The following MLC1 variants were observed in gnomAD, a reference collection of about 807,000 sequenced individuals.
MLC1 encodes the protein membrane protein MLC1.
MLC1 carries 32 observed loss-of-function variants against 44.7 expected under a neutral mutation model. The observed-to-expected ratio is 0.72, with a 90% CI of 0.54 to 0.96. MLC1 has a LOEUF of 0.96. Ranked by LOEUF, MLC1 falls within the 40% of genes least tolerant of loss-of-function variation. The pLI, the probability that MLC1 is intolerant of heterozygous loss-of-function variation, is 0.00. For synonymous variants in MLC1, 190 were observed against 213.0 expected (o/e 0.89, Z 0.94); for missense variants, 459 against 492.2 (o/e 0.93, Z 0.64).
At chr22:50,070,450 G>C (rs1346299652) in intron 9 of MLC1, 77 bp downstream of exon 9, 1 of 1,344,406 alleles carries the variant, frequency 7.4e-7, no homozygotes, top group Non-Finnish European at 1.0e-6. Context: ...TGGTCACATG[G>C]CACCAAGGGA....
At chr22:50,067,573 G>GTCAGGCAGTGACTCCTTCCCCCA (rs2061736194) in intron 10 of MLC1, among the ~76,000 whole-genome samples, 1 of 15,074 alleles carries the variant, frequency 6.6e-5, no homozygotes, top group Non-Finnish European at 1.3e-4. Flanking sequence ...CCATCCCCCC[G>GTCAGGCAGTGACTCCTTCCCCCA]TCAGGCAGTG....
chr22:50,070,708 G>A lies in MLC1; in HGVS notation c.715-125C>T, dbSNP rs374208359. Reference sequence around the variant, plus strand: ...CTGGCTGGCTTGCTGTGGGGGGCAGGGGGGATGGTGCAGTGCCCAAAGGCG... The same window carrying A: ...CTGGCTGGCTTGCTGTGGGGGGCAGAGGGGATGGTGCAGTGCCCAAAGGCG... On this transcript the variant is annotated intron_variant, in intron 8 of 11. Coordinates refer to ENST00000311597, the MANE Select transcript of MLC1 (RefSeq NM_015166.4). 4.4e-5 allele frequency: 46 copies of A among 1,050,466 alleles called. No homozygotes were observed. In the East Asian group the frequency reaches 5.7e-4, roughly 13 times the overall value. The allele number at this position is 1,050,466 out of a possible 1,614,324, so 65.1% of individuals were successfully genotyped here.
intron 4 of MLC1, 90 bp downstream of exon 4, chr22:50,080,254 G>A (rs571405498): frequency 4.5e-5 from 66 of 1,460,222 alleles, no homozygotes; most frequent in South Asian, 9.7e-5. Flanking sequence ...ACGTCTGTGC[G>A]TGGGCACACA....
intron 5 of MLC1, among the ~76,000 whole-genome samples, chr22:50,079,427 A>G (rs1738434255): frequency 7.1e-6 from 1 of 141,772 alleles, no homozygotes; most frequent in Admixed American, 7.4e-5. Flanking sequence ...AGTGCATTCC[A>G]CATGTCACAC....
intron 5 of MLC1, 129 bp from the exon 6 acceptor site, chr22:50,077,631 C>T: frequency 1.3e-6 from 1 of 753,032 alleles, no homozygotes; most frequent in Non-Finnish European, 2.3e-6. Context: ...TTTTCCCATC[C>T]AGGGCCAGCT....
At chr22:50,066,008 C>T (rs1299829882) in intron 10 of MLC1, among the ~76,000 whole-genome samples, 1 of 152,106 alleles carries the variant, frequency 6.6e-6, no homozygotes, top group African/African-American at 2.4e-5. Context: ...CCTTGGGTAT[C>T]GAGAAAACAC....
At chr22:50,068,725 C>CTTTTTTTTTTTTTTT (rs765426637) in intron 9 of MLC1, among the ~76,000 whole-genome samples, 170 bp from the exon 10 acceptor site, 37 of 105,242 alleles carry the variant, frequency 3.5e-4, no homozygotes, top group African/African-American at 7.7e-4. Flanking sequence ...TTTTCTTTTT[C>CTTTTTTTTTTTTTTT]TTTTTTTTTT....
chr22:50,066,956 A>C (rs933421833), intron 10 of MLC1, among the ~76,000 whole-genome samples: 1 of 152,208 alleles, frequency 6.6e-6, no homozygotes, highest in African/African-American at 2.4e-5. Flanking sequence ...CCACACAGAA[A>C]GGGGCCGACT....
At chr22:50,071,377 C>G (rs187965558) in intron 8 of MLC1, among the ~76,000 whole-genome samples, 5 of 152,340 alleles carry the variant, frequency 3.3e-5, no homozygotes, top group Admixed American at 1.3e-4. Flanking sequence ...CAGGCATGAG[C>G]CACCGCACCT....
chr22:50,081,818 G>A (rs1249227598), intron 3 of MLC1, among the ~76,000 whole-genome samples: 1 of 152,230 alleles, frequency 6.6e-6, no homozygotes, highest in Non-Finnish European at 1.5e-5. Flanking sequence ...AGGCTGGGCG[G>A]GGGTGGGCAC....
intron 4 of MLC1, 51 bp downstream of exon 4, chr22:50,080,293 C>G: frequency 6.4e-7 from 1 of 1,551,692 alleles, no homozygotes; most frequent in South Asian, 1.2e-5. Flanking sequence ...CACTGTCTGT[C>G]AGCCCCTCCG....
At position 50,083,865 on chromosome 22, in the gene MLC1, G is replaced by A. The variant is rs1302959349; in HGVS notation, c.178-692C>T. On this transcript the variant is annotated intron_variant, in intron 2 of 11. Coordinates refer to ENST00000311597, the MANE Select transcript of MLC1 (RefSeq NM_015166.4). The surrounding 1 kb of genome is among the most constrained non-coding windows in gnomAD (Gnocchi z 4.6). ...CTGGCCTGGGCGGGGGAGGGGCTGC[G>A]ACCAAGTCCAGGGCACCAGGTGGAG... Among the ~76,000 whole-genome samples, 4 of 152,078 alleles carry A rather than the reference G, an allele frequency of 2.6e-5. No homozygotes were observed. The highest frequency in any genetic ancestry group is 2.9e-5 in the Non-Finnish European group (2 of 67,986).
chr22:50,080,020 C>A lies in MLC1; in HGVS notation c.322-1G>T. The stretch of plus-strand genomic sequence containing the variant: ...CAAACAATATCTGAAAGTTGGGAAT[C>A]TGAAAAACAAGGCAGGAGGGGTTTT... On this transcript the variant is annotated splice_acceptor_variant, in intron 4 of 11. Transcript: ENST00000311597. LOFTEE classifies it high-confidence loss of function. The A allele has an allele frequency of 3.7e-6, 6 of 1,610,230 alleles. No individual in the cohort carries two copies. Among genetic ancestry groups the A allele is most frequent in the Non-Finnish European group, 5.1e-6 (6 of 1,176,424 alleles).
rs769104444 is a variant in MLC1, at chr22:50,070,484, G to A, written c.771+43C>T. 138 of 1,536,110 alleles carry A rather than the reference G, an allele frequency of 9.0e-5. No homozygotes were observed. In the Admixed American group the frequency reaches 2.3e-3, roughly 26 times the overall value. ...GAGGGCTAGGCCAGGCCCTGGCCCC[G>A]CTCGGTGGGTCCCTGGCACCCAGGG... On this transcript the variant is annotated intron_variant, in intron 9 of 11. Transcript: ENST00000311597.
chr22:50,070,102 T>A (rs2146826153), intron 9 of MLC1, among the ~76,000 whole-genome samples: 1 of 152,024 alleles, frequency 6.6e-6, no homozygotes, highest in Admixed American at 6.5e-5. Context: ...CTCAGGAGGC[T>A]GAGGCAAGAG....
Position 50,083,308 on chromosome 22 carries a change from T to C in MLC1, c.178-135A>G. On this transcript the variant is annotated intron_variant, in intron 2 of 11. Coordinates refer to ENST00000311597, the MANE Select transcript of MLC1 (RefSeq NM_015166.4). The surrounding 1 kb of genome is among the most constrained non-coding windows in gnomAD (Gnocchi z 4.6). ...CCCCAGCATCAACCACACCCGCACC[T>C]GGGACCCGCCCATCCTGGACTCCTC... 1 of 790,014 alleles carries C rather than the reference T, an allele frequency of 1.3e-6. No homozygotes were observed. Among genetic ancestry groups the C allele is most frequent in the Non-Finnish European group, 2.1e-6 (1 of 466,964 alleles). The allele number at this position is 790,014 out of a possible 1,614,324, so 48.9% of individuals were successfully genotyped here. A position where few individuals can be genotyped will look rare whatever the true frequency, so the allele number is the denominator to read the frequency against.
intron 5 of MLC1, among the ~76,000 whole-genome samples, chr22:50,079,405 C>T (rs2062060953): frequency 6.6e-6 from 1 of 150,660 alleles, no homozygotes; most frequent in Admixed American, 6.7e-5. Flanking sequence ...CTCCAGCTTT[C>T]CCCAATCATC....
chr22:50,074,520 C>T (rs1365613440), intron 7 of MLC1, 188 bp from the exon 8 acceptor site: 11 of 626,924 alleles, frequency 1.8e-5, no homozygotes, highest in South Asian at 1.1e-4. Flanking sequence ...CCCTCAGCTG[C>T]GGCTTTTCAC....
intron 2 of MLC1, 40 bp downstream of exon 2, chr22:50,084,686 T>A: frequency 6.2e-7 from 1 of 1,607,090 alleles, no homozygotes; most frequent in Non-Finnish European, 8.5e-7. Flanking sequence ...AGGGACCAGA[T>A]GCTCGTGGCC....
Sources: allele counts gnomAD v4.1 joint callset (sites outside exome capture counted in the v4.1 genomes callset), GRCh38; gene constraint gnomAD v4.1.1; non-coding constraint Gnocchi (gnomAD v3.1); transcripts MANE v1.5; gene names NCBI Gene and HGNC (gene_info 2026-07-23, HGNC 2026-07-21).